ABCC5: variants seen among roughly 807,000 people sequenced by gnomAD.
ABCC5 encodes the protein ATP binding cassette subfamily C member 5.
A neutral mutation model predicts 160.9 loss-of-function variants in ABCC5; 61 were observed. The ratio of observed to expected loss-of-function variants is 0.38; its 90% CI spans 0.31 to 0.47. ABCC5 has a LOEUF of 0.47. Among genes scored for constraint, ABCC5 ranks in the 20% least tolerant of loss-of-function variants. The pLI, the probability that ABCC5 is intolerant of heterozygous loss-of-function variation, is 0.99. For synonymous variants in ABCC5, 666 were observed against 700.6 expected, an observed-to-expected ratio of 0.95 and a Z score of 0.78; for missense variants, 1,308 against 1,813.3, an observed-to-expected ratio of 0.72 and a Z score of 5.06.
intron 23 of ABCC5, 57 bp from the exon 24 acceptor site, chr3:183,945,996 A>G: frequency 3.3e-6 from 5 of 1,494,384 alleles, no homozygotes; most frequent in Non-Finnish European, 4.7e-6. Context: ...ACGCCAGGCC[A>G]ATGCTGGAGA....
At chr3:183,937,238 C>T (rs1477193531) in intron 26 of ABCC5, among the ~76,000 whole-genome samples, 1 of 151,866 alleles carries the variant, frequency 6.6e-6, no homozygotes, top group Non-Finnish European at 1.5e-5. Flanking sequence ...TTAGCTGGGC[C>T]TGGGGGAGGG....
chr3:183,977,068 C>T (rs1007446682), intron 10 of ABCC5, among the ~76,000 whole-genome samples: 2 of 152,200 alleles, frequency 1.3e-5, no homozygotes, highest in Non-Finnish European at 2.9e-5. Context: ...TTCCCTGCAT[C>T]GTGAGTAGCA....
intron 25 of ABCC5, among the ~76,000 whole-genome samples, chr3:183,941,308 C>T (rs537874050): frequency 2.6e-5 from 4 of 152,202 alleles, no homozygotes; most frequent in South Asian, 2.1e-4. Flanking sequence ...CCCCTGGGGA[C>T]GAATGCAGCA....
intron 26 of ABCC5, among the ~76,000 whole-genome samples, chr3:183,931,724 T>C (rs1305065464): frequency 6.6e-6 from 1 of 152,158 alleles, no homozygotes; most frequent in Non-Finnish European, 1.5e-5. Flanking sequence ...AAAATGAATA[T>C]TTGCATACAC....
In ABCC5 at chr3:183,987,593, C is replaced by T; in HGVS notation, c.591+177G>A. ...TCCATTTCTTCTCTGGCAACACTGCCCTTTCATCCTTCCAGCTGTTGCCAA... is the reference window on the plus strand; with the variant it reads ...TCCATTTCTTCTCTGGCAACACTGCTCTTTCATCCTTCCAGCTGTTGCCAA... On this transcript the variant is annotated intron_variant, in intron 5 of 29. Transcript: ENST00000334444. This position sits in a 1 kb window ranked among gnomAD's most constrained non-coding sequence, Gnocchi z 4.2. The T allele has an allele frequency of 1.3e-6, 1 of 785,226 alleles. No homozygotes were observed. Among genetic ancestry groups the T allele is most frequent in the Non-Finnish European group, 2.1e-6 (1 of 472,438 alleles). The allele number at this position is 785,226 out of a possible 1,614,324, so 48.6% of individuals were successfully genotyped here.
At position 183,949,637 on chromosome 3, in the gene ABCC5, C is replaced by A. The variant is rs1216012324; in HGVS notation, c.3227+116G>T. The A allele has an allele frequency of 3.1e-6, 4 of 1,290,350 alleles. No homozygotes were observed. The South Asian group carries it at 6.4e-5, about 21-fold the overall frequency. The allele number at this position is 1,290,350 out of a possible 1,614,324, so 79.9% of individuals were successfully genotyped here. On this transcript the variant is annotated intron_variant, in intron 22 of 29. Transcript: ENST00000334444. This position sits in a 1 kb window ranked among gnomAD's most constrained non-coding sequence, Gnocchi z 4.2. ...AGATTATTCCATTAAATCATGAATA[C>A]CCTTGGTAATGAGGTTTATAATCCC...
intron 10 of ABCC5, among the ~76,000 whole-genome samples, chr3:183,972,302 T>G (rs1439456248): frequency 6.6e-6 from 1 of 152,188 alleles, no homozygotes; most frequent in African/African-American, 2.4e-5. Context: ...CCAGTACAGA[T>G]GCTCACTACG....
intron 11 of ABCC5, among the ~76,000 whole-genome samples, chr3:183,970,439 CTTTT>C (rs66475303): frequency 6.9e-6 from 1 of 145,262 alleles, no homozygotes; most frequent in Admixed American, 6.9e-5. Flanking sequence ...CCTCACCCAC[CTTTT>C]TTTTTTTTTT....
Position 183,988,865 on chromosome 3 carries a change from T to A in ABCC5, c.288-138A>T. The A allele has an allele frequency of 9.0e-7, 1 of 1,105,050 alleles. No individual in the cohort carries two copies. Among genetic ancestry groups the A allele is most frequent in the South Asian group, 1.6e-5 (1 of 60,888 alleles). 68.5% of individuals were successfully genotyped at this position (1,105,050 alleles called of 1,614,324 possible). The stretch of plus-strand genomic sequence containing the variant: ...AGATGATCTAATCTTAGCCTGAATG[T>A]TCTAAAACGGCTTTGATGGGCCGGG... On this transcript the variant is annotated intron_variant, in intron 3 of 29. Coordinates refer to ENST00000334444, the MANE Select transcript of ABCC5 (RefSeq NM_005688.4). The surrounding 1 kb of genome is among the most constrained non-coding windows in gnomAD (Gnocchi z 4.4).
intron 16 of ABCC5, 64 bp downstream of exon 16, chr3:183,961,447 C>A: frequency 6.3e-7 from 1 of 1,578,802 alleles, no homozygotes; most frequent in South Asian, 1.2e-5. Context: ...CTCCATCACT[C>A]ACTCCGGCTG....
intron 9 of ABCC5, 106 bp from the exon 10 acceptor site, chr3:183,977,730 G>A (rs938518189): frequency 2.2e-5 from 16 of 728,248 alleles, no homozygotes; most frequent in African/African-American, 5.5e-5. Context: ...GCAACTTCAC[G>A]GTCAGCTGTT....
At chr3:183,957,487 T>C (rs1716194414) in intron 17 of ABCC5, among the ~76,000 whole-genome samples, 2 of 146,248 alleles carry the variant, frequency 1.4e-5, no homozygotes, top group East Asian at 2.3e-4. Flanking sequence ...ATCAGTTACA[T>C]GCGGATCCGT....
chr3:183,965,578 C>A, intron 12 of ABCC5, 77 bp from the exon 13 acceptor site: 1 of 1,577,410 alleles, frequency 6.3e-7, no homozygotes, highest in South Asian at 1.1e-5. Flanking sequence ...CCACCTTCCA[C>A]AATGGAATCT....
Position 183,978,571 on chromosome 3 carries a change from C to T in ABCC5, c.1228G>A (p.Val410Met). The part of the protein sequence containing the change: ...SITVGVAPIV[V>M]VIASVVTFSV... ...AAGGTCACCACGCTGGCAATCACCA[C>T]CACAATGGGAGCCACACCCACAGTG... Residue 410 changes from valine (V) to methionine (M), a missense_variant, in exon 9 of 30, where the codon GTG becomes ATG. This residue lies in a region of ABCC5 where 1,142 missense variants were observed against 1,527.1 expected (regional missense o/e 0.75). Transcript: ENST00000334444. 6.2e-7 allele frequency: 1 copy of T among 1,614,144 alleles called. No homozygotes were observed. Among genetic ancestry groups the T allele is most frequent in the Non-Finnish European group, 8.5e-7 (1 of 1,180,016 alleles).
intron 10 of ABCC5, among the ~76,000 whole-genome samples, chr3:183,976,418 C>T (rs1291468713): frequency 6.6e-6 from 1 of 151,920 alleles, no homozygotes; most frequent in Non-Finnish European, 1.5e-5. Context: ...CTGCACCTGG[C>T]TATTTTTTTA....
In ABCC5 at chr3:183,924,253, C is replaced by T. The variant is rs746054470; in HGVS notation, c.4212+1302G>A. Among the ~76,000 whole-genome samples the T allele has an allele frequency of 9.1e-4, 139 of 152,248 alleles. 3 individuals carry two copies. Among genetic ancestry groups the T allele is most frequent in the Non-Finnish European group, 2.6e-4 (18 of 68,010 alleles). ...CAGGCTGCTCTTGAACGCCTGAGCT[C>T]AGGCAATCTGCCCGCCTCGGCCTCC... is the stretch of plus-strand genomic sequence containing the variant. On this transcript the variant is annotated intron_variant, in intron 29 of 29. Coordinates refer to ENST00000334444, the MANE Select transcript of ABCC5 (RefSeq NM_005688.4).
Position 183,963,483 on chromosome 3 carries a change from T to G in ABCC5, c.2137A>C (p.Ser713Arg). 1.2e-6 allele frequency: 2 copies of G among 1,614,258 alleles called. No individual in the cohort carries two copies. Among genetic ancestry groups the G allele is most frequent in the Admixed American group, 1.7e-5 (1 of 60,032 alleles). The change falls in exon 15 of 30, where the codon AGT (serine) becomes CGT (arginine). Residue 713 changes from serine (S) to arginine (R), a missense_variant. Ser to Arg is a moderately radical substitution (Grantham distance 110, BLOSUM62 -1). This residue lies in a region of ABCC5 where 1,142 missense variants were observed against 1,527.1 expected (regional missense o/e 0.75). Coordinates refer to ENST00000334444, the MANE Select transcript of ABCC5 (RefSeq NM_005688.4). The surrounding 1 kb of genome is among the most constrained non-coding windows in gnomAD (Gnocchi z 4.6). ...TTGCCCACATGGGCATCTAAGGCAC[T>G]GAGGGGGTCGTCCAGGATGTAGATG... The part of the protein sequence containing the change: ...RSIYILDDPL[S>R]ALDAHVGNHI...
chr3:183,938,065 T>G lies in ABCC5; in HGVS notation c.3695-5A>C. On this transcript the variant is annotated splice_region_variant and splice_polypyrimidine_tract_variant and intron_variant, in intron 25 of 29. Transcript: ENST00000334444. ...CCATCCCCAGCGAGGACTTCCCTGA[T>G]GAGTCAGAAGACATGCAAGAGAGGA... is the stretch of plus-strand genomic sequence containing the variant. 6.2e-7 allele frequency: 1 copy of G among 1,613,846 alleles called. No homozygotes were observed. Among genetic ancestry groups the G allele is most frequent in the South Asian group, 1.1e-5 (1 of 91,042 alleles).
rs769323229 is a variant in ABCC5 at position 183,982,568 on chromosome 3, G to C, written c.882C>G (p.Gly294=). 18 of 1,614,032 alleles carry C rather than the reference G, an allele frequency of 1.1e-5. No homozygotes were observed. In the South Asian group the frequency reaches 2.0e-4, roughly 18 times the overall value. ...CAACGGGTCCTCCAGCCAGCAGGCT[G>C]CCAACGGCTGCTGCCTCAAACATTC... ...GQRMFEAAAV[G]SLLAGGPVVA... The change falls in exon 7 of 30, where the codon GGC becomes GGG. Residue 294 remains glycine, a synonymous_variant. Coordinates refer to ENST00000334444, the MANE Select transcript of ABCC5 (RefSeq NM_005688.4). The surrounding 1 kb of genome is among the most constrained non-coding windows in gnomAD (Gnocchi z 5.2).
Sources: allele counts gnomAD v4.1 joint callset (sites outside exome capture counted in the v4.1 genomes callset), GRCh38; gene constraint gnomAD v4.1.1; regional missense constraint gnomAD v4.1.1; non-coding constraint Gnocchi (gnomAD v3.1); transcripts MANE v1.5; gene names NCBI Gene and HGNC (gene_info 2026-07-23, HGNC 2026-07-21).